The following HIVEP1 variants were observed in gnomAD, a reference collection of about 807,000 sequenced individuals.
The protein encoded by HIVEP1 is HIVEP zinc finger 1.
HIVEP1 carries 36 observed loss-of-function variants against 180.0 expected under a neutral mutation model. That is an observed-to-expected ratio of 0.20 (90% CI 0.15 to 0.26). The LOEUF (loss-of-function observed/expected upper bound fraction) is 0.26. Among genes scored for constraint, HIVEP1 ranks in the 10% least tolerant of loss-of-function variants. HIVEP1 has a pLI of 1.00. For synonymous variants in HIVEP1, 1,239 were observed against 1,239.0 expected (o/e 1.00, Z 0.00); for missense variants, 3,143 against 3,268.7 (o/e 0.96, Z 0.94).
downstream of HIVEP1, among the ~76,000 whole-genome samples, chr6:12,167,737 T>A (rs543562657): frequency 2.6e-4 from 35 of 134,956 alleles, no homozygotes; most frequent in Middle Eastern, 9.1e-3. Context: ...TATATACATG[T>A]GTATATGTGC....
chr6:12,066,750 C>A (rs1771615658), intron 2 of HIVEP1, among the ~76,000 whole-genome samples: 1 of 151,710 alleles, frequency 6.6e-6, no homozygotes, highest in Non-Finnish European at 1.5e-5. Context: ...TATGATGGGC[C>A]CAATATTATC....
chr6:12,198,931 C>T, the HIVEP1 span, among the ~76,000 whole-genome samples: 37 of 152,300 alleles, frequency 2.4e-4, 1 homozygote, highest in African/African-American at 7.5e-4. Flanking sequence ...CAACGACAGA[C>T]GCAAGAAGAC....
chr6:12,133,834 CT>C (rs1310060506), intron 6 of HIVEP1, among the ~76,000 whole-genome samples: 3 of 152,076 alleles, frequency 2.0e-5, no homozygotes, highest in Admixed American at 6.5e-5. Flanking sequence ...AAAAATTAGC[CT>C]GGCGCAGTGG....
intron 3 of HIVEP1, among the ~76,000 whole-genome samples, chr6:12,105,775 G>C (rs2113420662): frequency 6.6e-6 from 1 of 152,050 alleles, no homozygotes; most frequent in African/African-American, 2.4e-5. Flanking sequence ...TTTTTGCTTA[G>C]AAAGTGTAAT....
the HIVEP1 span, among the ~76,000 whole-genome samples, chr6:12,183,079 C>G: frequency 6.6e-6 from 1 of 151,904 alleles, no homozygotes; most frequent in Non-Finnish European, 1.5e-5. Flanking sequence ...AGAAAACTTA[C>G]GTATAAAAAA....
At chr6:12,090,735 CTTTT>C (rs35266647) in intron 3 of HIVEP1, among the ~76,000 whole-genome samples, 8 of 82,428 alleles carry the variant, frequency 9.7e-5, no homozygotes, top group Middle Eastern at 0.013. Context: ...TATAGCCAGC[CTTTT>C]TTTTTTTTTT....
At chr6:12,018,612 C>G (rs1016388376) in intron 2 of HIVEP1, among the ~76,000 whole-genome samples, 1 of 152,000 alleles carries the variant, frequency 6.6e-6, no homozygotes, top group African/African-American at 2.4e-5. Context: ...TATTTTGTCC[C>G]CATTGTAGGG....
chr6:12,168,291 A>ATATATACATATAT (rs1200803264), downstream of HIVEP1, among the ~76,000 whole-genome samples: 323 of 72,376 alleles, frequency 4.5e-3, 2 homozygotes, highest in African/African-American at 7.3e-3. Context: ...TATTATATAC[A>ATATATACATATAT]TATATACATA....
At chr6:12,048,445 C>T (rs568685994) in intron 2 of HIVEP1, among the ~76,000 whole-genome samples, 1 of 152,320 alleles carries the variant, frequency 6.6e-6, no homozygotes, top group South Asian at 2.1e-4. Context: ...CTCTCTCCAG[C>T]AATTCTTGGC....
intron 6 of HIVEP1, among the ~76,000 whole-genome samples, chr6:12,131,148 TATATA>T (rs1390603468): frequency 6.6e-6 from 1 of 151,698 alleles, no homozygotes; most frequent in Non-Finnish European, 1.5e-5. Context: ...TTAGAATAAA[TATATA>T]ATAAATATAA....
chr6:12,119,282 T>C (rs959909879), intron 3 of HIVEP1, among the ~76,000 whole-genome samples: 6 of 152,240 alleles, frequency 3.9e-5, no homozygotes, highest in Non-Finnish European at 8.8e-5. Context: ...GGCACAGTTG[T>C]CTCTTCGTGC....
intron 2 of HIVEP1, among the ~76,000 whole-genome samples, chr6:12,019,509 C>G (rs925129918): frequency 1.3e-5 from 2 of 152,210 alleles, no homozygotes; most frequent in East Asian, 3.9e-4. Context: ...ATAAGAAATG[C>G]GGGGAGAGGA....
chr6:12,052,447 G>A (rs922743838), intron 2 of HIVEP1, among the ~76,000 whole-genome samples: 1 of 152,140 alleles, frequency 6.6e-6, no homozygotes, highest in African/African-American at 2.4e-5. Flanking sequence ...AATAGTGTCC[G>A]AACCTTATGT....
In HIVEP1 at chr6:12,138,311, ATTTG is replaced by A. The variant is rs1372995300; in HGVS notation, c.6487+2426_6487+2429del. 2.6e-5 allele frequency among the ~76,000 whole-genome samples: 4 copies of A among 152,140 alleles called. No homozygotes were observed. In the East Asian group the frequency reaches 7.7e-4, roughly 29 times the overall value. ...TTTAAATTTTTGGCCAATTTGATGG[ATTTG>A]TTTGTTGTCTTTCTGGTTTATTGAT... On this transcript the variant is annotated intron_variant, in intron 7 of 8. Coordinates refer to ENST00000379388, the MANE Select transcript of HIVEP1 (RefSeq NM_002114.4).
chr6:12,180,877 T>C, the HIVEP1 span, among the ~76,000 whole-genome samples: 1 of 152,204 alleles, frequency 6.6e-6, no homozygotes, highest in Non-Finnish European at 1.5e-5. Context: ...TTGAAAAAGA[T>C]GTATCTTCAA....
At position 12,124,769 on chromosome 6, in the gene HIVEP1, A is replaced by G; in HGVS notation, c.4974A>G (p.Ile1658Met). The change falls in exon 4 of 9, where the codon ATA becomes ATG. Residue 1658 changes from isoleucine (I) to methionine (M), a missense_variant. Coordinates refer to ENST00000379388, the MANE Select transcript of HIVEP1 (RefSeq NM_002114.4). ...CFATLTSLPQ[I>M]LVTQDLPNQP... is the part of the protein sequence containing the mutation. ...CTACACTCACATCCCTGCCACAAAT[A>G]CTAGTGACCCAAGATCTGCCCAATC... 1.9e-6 allele frequency: 3 copies of G among 1,614,190 alleles called. No individual in the cohort carries two copies. The highest frequency in any genetic ancestry group is 2.5e-6 in the Non-Finnish European group (3 of 1,180,032).
chr6:12,121,528 C>T lies in HIVEP1; in HGVS notation c.1733C>T (p.Pro578Leu). 1.9e-6 allele frequency: 3 copies of T among 1,614,094 alleles called. No homozygotes were observed. The highest frequency in any genetic ancestry group is 2.5e-6 in the Non-Finnish European group (3 of 1,180,018). Residue 578 changes from proline to leucine, a missense_variant, in exon 4 of 9, where the codon CCA becomes CTA. This residue lies in a region of HIVEP1 where 365 missense variants were observed against 344.4 expected (regional missense o/e 1.06). Coordinates refer to ENST00000379388, the MANE Select transcript of HIVEP1 (RefSeq NM_002114.4). This position sits in a 1 kb window ranked among gnomAD's most constrained non-coding sequence, Gnocchi z 5.3. Reference sequence around the variant, plus strand: ...GTGTCCCCCTTAAGAACTGACAGTCCAAAGGCCATGGATCCCAAGCCTGAA... The same window carrying T: ...GTGTCCCCCTTAAGAACTGACAGTCTAAAGGCCATGGATCCCAAGCCTGAA... ...VTVSPLRTDS[P>L]KAMDPKPELS...
At chr6:12,011,804 G>A (rs898849477), upstream of HIVEP1, among the ~76,000 whole-genome samples, 43 of 147,414 alleles carry the variant, frequency 2.9e-4, no homozygotes, top group Non-Finnish European at 5.9e-4. Flanking sequence ...GCCCAGCTGG[G>A]CCCCGGCGCC....
intron 2 of HIVEP1, among the ~76,000 whole-genome samples, chr6:12,069,489 G>A (rs1290368549): frequency 4.1e-5 from 6 of 147,162 alleles, no homozygotes; most frequent in Admixed American, 2.1e-4. Flanking sequence ...GTGTTAGTAC[G>A]CATATTCTCA....
Sources: allele counts gnomAD v4.1 joint callset (sites outside exome capture counted in the v4.1 genomes callset), GRCh38; gene constraint gnomAD v4.1.1; regional missense constraint gnomAD v4.1.1; non-coding constraint Gnocchi (gnomAD v3.1); transcripts MANE v1.5; gene names NCBI Gene and HGNC (gene_info 2026-07-23, HGNC 2026-07-21).